SAMM50: variants seen among roughly 807,000 people sequenced by gnomAD.
The protein encoded by SAMM50 is sorting and assembly machinery component 50 homolog.
SAMM50 carries 47 observed loss-of-function variants against 66.9 expected under a neutral mutation model. The observed-to-expected ratio is 0.70, with a 90% CI of 0.56 to 0.90. The LOEUF (loss-of-function observed/expected upper bound fraction) is 0.90. Among genes scored for constraint, SAMM50 ranks in the 40% least tolerant of loss-of-function variants. The probability of loss-of-function intolerance (pLI) is 0.00; values close to 1 mark genes in which losing one functional copy is unlikely to be tolerated. For missense variants in SAMM50, 535 were observed against 595.3 expected (o/e 0.90, Z 1.05); for synonymous variants, 191 against 214.1 (o/e 0.89, Z 0.94).
chr22:43,971,297 G>C (rs1430341297), intron 4 of SAMM50, among the ~76,000 whole-genome samples: 1 of 152,214 alleles, frequency 6.6e-6, no homozygotes, highest in Non-Finnish European at 1.5e-5. Flanking sequence ...CCAGGGCTGA[G>C]CACCCCTGTG....
At chr22:43,991,644 A>T (rs779791844) in intron 14 of SAMM50, among the ~76,000 whole-genome samples, 2 of 152,212 alleles carry the variant, frequency 1.3e-5, no homozygotes, top group Non-Finnish European at 2.9e-5. Context: ...GCCATCACAA[A>T]ATACCATGGA....
intron 14 of SAMM50, 156 bp from the exon 15 acceptor site, chr22:43,996,182 G>T (rs1603420870): frequency 5.2e-6 from 4 of 776,678 alleles, no homozygotes; most frequent in Non-Finnish European, 9.2e-6. Context: ...GGAAGCAGCC[G>T]GGGCCGGTGA....
intron 3 of SAMM50, among the ~76,000 whole-genome samples, chr22:43,966,689 C>T (rs568499752): frequency 1.1e-4 from 17 of 152,190 alleles, no homozygotes; most frequent in Admixed American, 3.9e-4. Flanking sequence ...GTCCATGAGA[C>T]GGTCTCTTTC....
intron 12 of SAMM50, among the ~76,000 whole-genome samples, chr22:43,984,239 A>AGAGAACATGT (rs1320577963): frequency 6.6e-6 from 1 of 152,206 alleles, no homozygotes; most frequent in African/African-American, 2.4e-5. Context: ...TCCTACCCAG[A>AGAGAACATGT]GAGAACATGT....
At position 43,983,570 on chromosome 22, in the gene SAMM50, C is replaced by T. The variant is rs1001003949; in HGVS notation, c.1008-363C>T. On this transcript the variant is annotated intron_variant, in intron 11 of 14. Coordinates refer to ENST00000350028, the MANE Select transcript of SAMM50 (RefSeq NM_015380.5). The surrounding 1 kb of genome is among the most constrained non-coding windows in gnomAD (Gnocchi z 4.2). ...TATCCTGCTCTTCTTCCCCTAATAT[C>T]GCACTGTGAGCCAGTAGGAGGCCCG... Among the ~76,000 whole-genome samples, 3 of 152,112 alleles carry T rather than the reference C, an allele frequency of 2.0e-5. No individual in the cohort carries two copies. The highest frequency in any genetic ancestry group is 6.5e-5 in the Admixed American group (1 of 15,274).
At chr22:43,987,058 T>A (rs1374801675) in intron 12 of SAMM50, 1 of 152,226 alleles carries the variant, frequency 6.6e-6, no homozygotes, top group African/African-American at 2.4e-5. Flanking sequence ...AAGTGTGATA[T>A]GCCGAGTCTA....
intron 10 of SAMM50, 130 bp from the exon 11 acceptor site, chr22:43,981,261 C>T (rs1307139559): frequency 2.6e-5 from 18 of 700,878 alleles, no homozygotes; most frequent in South Asian, 1.8e-4. Flanking sequence ...CATTCTCCTG[C>T]GGCCCTTGCA....
chr22:43,962,494 A>C (rs1442624774), intron 1 of SAMM50, among the ~76,000 whole-genome samples: 5 of 152,222 alleles, frequency 3.3e-5, no homozygotes, highest in Non-Finnish European at 5.9e-5. Flanking sequence ...AGTTGCTTTA[A>C]TATTTTGAGG....
chr22:43,957,525 C>T (rs958855293), intron 1 of SAMM50, among the ~76,000 whole-genome samples: 5 of 152,082 alleles, frequency 3.3e-5, no homozygotes, highest in African/African-American at 7.2e-5. Context: ...CAGGTTCAAG[C>T]GATTCTCCTG....
At position 43,973,248 on chromosome 22, in the gene SAMM50, CTTATATAAAG is replaced by C; in HGVS notation, c.577_586del (p.Tyr193LeufsTer59). 6.3e-7 allele frequency: 1 copy of C among 1,598,738 alleles called. No individual in the cohort carries two copies. The highest frequency in any genetic ancestry group is 2.2e-5 in the East Asian group (1 of 44,786). Reference sequence around the variant, plus strand: ...CATTGTCTCCTAGTTTCTCTGTAAACTTATATAAAGTTACTGGACAGTTCCCTTGGAGCTC... The same window carrying C: ...CATTGTCTCCTAGTTTCTCTGTAAACTTACTGGACAGTTCCCTTGGAGCTC... On this transcript the variant is annotated frameshift_variant, in exon 7 of 15. Transcript: ENST00000350028. LOFTEE classifies it high-confidence loss of function.
At chr22:43,970,711 T>G (rs1205835640) in intron 4 of SAMM50, among the ~76,000 whole-genome samples, 1 of 152,122 alleles carries the variant, frequency 6.6e-6, no homozygotes, top group Non-Finnish European at 1.5e-5. Flanking sequence ...TTTTGTAGTT[T>G]GTACAAAAAC....
intron 14 of SAMM50, among the ~76,000 whole-genome samples, chr22:43,990,741 T>C (rs1332879209): frequency 3.3e-5 from 5 of 152,084 alleles, no homozygotes; most frequent in African/African-American, 7.2e-5. Context: ...TTTTGAGCAG[T>C]TGACTTTGCA....
chr22:43,966,859 T>C (rs768266989), intron 3 of SAMM50, among the ~76,000 whole-genome samples: 105 of 152,340 alleles, frequency 6.9e-4, no homozygotes, highest in Non-Finnish European at 1.2e-3. Flanking sequence ...TGAATTAACT[T>C]GGTGTCTTCT....
chr22:43,991,789 CTG>C (rs1411084781), intron 14 of SAMM50, among the ~76,000 whole-genome samples: 1 of 152,246 alleles, frequency 6.6e-6, no homozygotes, highest in African/African-American at 2.4e-5. Context: ...AGCCTTGCCA[CTG>C]TGTCCTCACT....
At chr22:43,972,848 A>T (rs1603419114) in intron 5 of SAMM50, 23 bp from the exon 6 acceptor site, 30 of 1,361,666 alleles carry the variant, frequency 2.2e-5, no homozygotes, top group South Asian at 1.5e-4. Flanking sequence ...GACCACTGCT[A>T]TTTTTTTTTT....
At chr22:43,994,341 G>A (rs2050341405) in intron 14 of SAMM50, among the ~76,000 whole-genome samples, 1 of 152,124 alleles carries the variant, frequency 6.6e-6, no homozygotes, top group South Asian at 2.1e-4. Context: ...TTCCCCTTGG[G>A]TATATGCCAG....
At chr22:43,963,792 G>C in intron 2 of SAMM50, among the ~76,000 whole-genome samples, 1 of 152,274 alleles carries the variant, frequency 6.6e-6, no homozygotes, top group South Asian at 2.1e-4. Context: ...TTCTTGAAGA[G>C]TTTACTCTCT....
chr22:43,959,453 G>C (rs368112374), intron 1 of SAMM50, among the ~76,000 whole-genome samples: 1 of 151,246 alleles, frequency 6.6e-6, no homozygotes, highest in Admixed American at 6.6e-5. Context: ...CTGGTAGACC[G>C]ATCTGCTTAA....
At chr22:43,976,314 C>T in intron 8 of SAMM50, 131 bp downstream of exon 8, 3 of 1,028,642 alleles carry the variant, frequency 2.9e-6, no homozygotes, top group Non-Finnish European at 4.3e-6. Context: ...CAGTGGCGGC[C>T]CCCACTCCCC....
Sources: allele counts gnomAD v4.1 joint callset (sites outside exome capture counted in the v4.1 genomes callset), GRCh38; gene constraint gnomAD v4.1.1; non-coding constraint Gnocchi (gnomAD v3.1); transcripts MANE v1.5; gene names NCBI Gene and HGNC (gene_info 2026-07-23, HGNC 2026-07-21).